ZNF148: variants seen among roughly 807,000 people sequenced by gnomAD.
ZNF148 encodes the protein Beta-Enolase Repressor Factor-1.
In ZNF148, 7 loss-of-function variants were observed where a neutral mutation model predicts 67.7. The observed-to-expected ratio is 0.10, with a 90% CI of 0.06 to 0.19. The LOEUF (loss-of-function observed/expected upper bound fraction) is 0.19. Among genes scored for constraint, ZNF148 ranks in the 10% least tolerant of loss-of-function variants. The pLI is 1.00. For missense variants in ZNF148, 583 were observed against 947.1 expected, an observed-to-expected ratio of 0.62 and a Z score of 5.05; for synonymous variants, 333 against 330.7, an observed-to-expected ratio of 1.01 and a Z score of -0.08.
At chr3:125,267,751 T>G (rs568304208) in intron 7 of ZNF148, among the ~76,000 whole-genome samples, 9 of 152,062 alleles carry the variant, frequency 5.9e-5, no homozygotes, top group South Asian at 2.1e-4. Context: ...GGGAAAGAAA[T>G]AAAAGACATC....
chr3:125,255,790 T>C (rs952242275), intron 7 of ZNF148, among the ~76,000 whole-genome samples: 75 of 152,186 alleles, frequency 4.9e-4, no homozygotes, highest in African/African-American at 1.7e-3. Flanking sequence ...CATTCCATTT[T>C]TTTCATTTCT....
At chr3:125,338,405 T>C (rs906679306) in intron 1 of ZNF148, among the ~76,000 whole-genome samples, 2 of 152,094 alleles carry the variant, frequency 1.3e-5, no homozygotes, top group African/African-American at 4.8e-5. Flanking sequence ...GAAAAGAATA[T>C]AGAAATGCCC....
Position 125,336,677 on chromosome 3 carries a change from C to CTTTTTTTTTTT in ZNF148, c.-233-5450_-233-5440dup, listed in dbSNP as rs71148176. 2.2e-3 allele frequency among the ~76,000 whole-genome samples: 208 copies of CTTTTTTTTTTT among 95,318 alleles called. 20 individuals carry two copies. Among genetic ancestry groups the CTTTTTTTTTTT allele is most frequent in the African/African-American group, 8.1e-3 (181 of 22,466 alleles). The allele number at this position is 95,318 out of a possible 152,430, so 62.5% of individuals were successfully genotyped here. On this transcript the variant is annotated intron_variant, in intron 1 of 8. Coordinates refer to ENST00000360647, the MANE Select transcript of ZNF148 (RefSeq NM_021964.3). ...TCAAACCAACCACCCCAGAAATCAC[C>CTTTTTTTTTTT]TTTTTTTTTTTTTTTTTTGAGATGT...
chr3:125,227,471 T>C lies in ZNF148; in HGVS notation c.*4870A>G, dbSNP rs1935687397. On this transcript the variant is annotated 3_prime_UTR_variant, in exon 9 of 9. Coordinates refer to ENST00000360647, the MANE Select transcript of ZNF148 (RefSeq NM_021964.3). ...GGATTTCCATCACACACATTTAATT[T>C]CTTCTGTACAATGTTTATAAACTTG... The C allele has an allele frequency of 6.6e-6, 1 of 152,598 alleles. No individual in the cohort carries two copies. Among genetic ancestry groups the C allele is most frequent in the Non-Finnish European group, 1.5e-5 (1 of 68,010 alleles). The allele number at this position is 152,598 out of a possible 1,614,324, so 9.5% of individuals were successfully genotyped here.
intron 5 of ZNF148, among the ~76,000 whole-genome samples, chr3:125,285,936 C>A (rs1436002414): frequency 6.6e-6 from 1 of 152,040 alleles, no homozygotes; most frequent in Admixed American, 6.6e-5. Context: ...TAGCTTAAAG[C>A]CTGTAAATAC....
At chr3:125,264,676 C>T (rs1471092905) in intron 7 of ZNF148, among the ~76,000 whole-genome samples, 1 of 152,202 alleles carries the variant, frequency 6.6e-6, no homozygotes, top group Non-Finnish European at 1.5e-5. Flanking sequence ...GTTTAAACAA[C>T]TATTAAATTT....
At position 125,310,502 on chromosome 3, in the gene ZNF148, C is replaced by A. The variant is rs537162955; in HGVS notation, c.333+2806G>T. On this transcript the variant is annotated intron_variant, in intron 4 of 8. Transcript: ENST00000360647. The stretch of plus-strand genomic sequence containing the variant: ...TAGAGGAAAATTTATAGTATGAATG[C>A]ATATATTAGAAACAAAAAATCTAAA... Among the ~76,000 whole-genome samples, 12 of 152,002 alleles carry A rather than the reference C, an allele frequency of 7.9e-5. No homozygotes were observed. The East Asian group carries it at 2.3e-3, about 29-fold the overall frequency.
At chr3:125,302,784 A>G (rs565333560) in intron 4 of ZNF148, among the ~76,000 whole-genome samples, 10 of 152,376 alleles carry the variant, frequency 6.6e-5, no homozygotes, top group African/African-American at 2.2e-4. Flanking sequence ...TATGTATGGC[A>G]TGCTTATCAA....
intron 7 of ZNF148, among the ~76,000 whole-genome samples, chr3:125,268,124 T>C (rs1937577082): frequency 6.6e-6 from 1 of 151,268 alleles, no homozygotes; most frequent in Non-Finnish European, 1.5e-5. Flanking sequence ...TCAATAACAT[T>C]AAAATTGTCC....
At chr3:125,369,407 A>AAAAAAT (rs397875016) in intron 1 of ZNF148, among the ~76,000 whole-genome samples, 1 of 148,642 alleles carries the variant, frequency 6.7e-6, no homozygotes, top group Non-Finnish European at 1.5e-5. Flanking sequence ...AAAAAAAAAA[A>AAAAAAT]GTGTGCCTCT....
At chr3:125,315,132 T>G (rs1017320018) in intron 3 of ZNF148, 2 of 152,168 alleles carry the variant, frequency 1.3e-5, no homozygotes, top group Non-Finnish European at 2.9e-5. Flanking sequence ...CTTCAAAAAT[T>G]TCATTTATCA....
intron 4 of ZNF148, among the ~76,000 whole-genome samples, chr3:125,306,786 AG>A (rs1358626687): frequency 6.6e-6 from 1 of 152,008 alleles, no homozygotes; most frequent in Non-Finnish European, 1.5e-5. Context: ...TTTAAGCCTA[AG>A]AGGTTGAGAT....
chr3:125,257,927 G>A (rs970827368), intron 7 of ZNF148, among the ~76,000 whole-genome samples: 2 of 152,050 alleles, frequency 1.3e-5, no homozygotes, highest in African/African-American at 4.8e-5. Flanking sequence ...CTTCTAGTCA[G>A]TGACAAGCAA....
At chr3:125,288,533 A>G (rs1445986920) in intron 4 of ZNF148, among the ~76,000 whole-genome samples, 2 of 151,896 alleles carry the variant, frequency 1.3e-5, no homozygotes, top group Non-Finnish European at 2.9e-5. Context: ...AAATCGTAAC[A>G]TCAATTTCAT....
intron 6 of ZNF148, among the ~76,000 whole-genome samples, chr3:125,278,269 C>A (rs1938181529): frequency 6.6e-6 from 1 of 151,960 alleles, no homozygotes; most frequent in Non-Finnish European, 1.5e-5. Context: ...TTTAAAAGAT[C>A]CTGTCTCTTC....
At position 125,273,805 on chromosome 3, in the gene ZNF148, C is replaced by T. The variant is rs181587384; in HGVS notation, c.667+3921G>A. ...GGAGGAGAATCATTTATAAAAACTT[C>T]CCTATAGAAATAGCTTCGTAACATT... On this transcript the variant is annotated intron_variant, in intron 7 of 8. Coordinates refer to ENST00000360647, the MANE Select transcript of ZNF148 (RefSeq NM_021964.3). Among the ~76,000 whole-genome samples the T allele has an allele frequency of 3.9e-5, 6 of 152,144 alleles. No individual in the cohort carries two copies. In the East Asian group the frequency reaches 1.2e-3, roughly 29 times the overall value.
At chr3:125,298,618 A>ATTTTT (rs11312460) in intron 4 of ZNF148, among the ~76,000 whole-genome samples, 12 of 102,654 alleles carry the variant, frequency 1.2e-4, no homozygotes, top group East Asian at 2.7e-4. Flanking sequence ...TTTATATTAA[A>ATTTTT]TTTTTTTTTT....
intron 1 of ZNF148, among the ~76,000 whole-genome samples, chr3:125,363,333 C>CTATG (rs1471041131): frequency 1.7e-4 from 26 of 152,326 alleles, no homozygotes; most frequent in African/African-American, 5.1e-4. Flanking sequence ...ATTATCAACT[C>CTATG]TATGTATGTA....
chr3:125,248,125 A>G (rs1043315378), intron 7 of ZNF148, among the ~76,000 whole-genome samples: 2 of 152,192 alleles, frequency 1.3e-5, no homozygotes, highest in African/African-American at 4.8e-5. Flanking sequence ...TACTGTAAAC[A>G]CCATCTAAAT....
Sources: gnomAD v4.1 joint callset for allele counts (sites outside exome capture counted in the v4.1 genomes callset) on GRCh38, gnomAD v4.1.1 for gene constraint, MANE v1.5 for transcripts, NCBI Gene and HGNC (gene_info 2026-07-23, HGNC 2026-07-21) for gene names.